The following DCAF6 variants were observed in gnomAD, a reference collection of about 807,000 sequenced individuals.
The protein encoded by DCAF6 is DDB1- and CUL4-associated factor 6.
In DCAF6, 54 loss-of-function variants were observed where a neutral mutation model predicts 125.1. The ratio of observed to expected loss-of-function variants is 0.43; its 90% CI spans 0.35 to 0.54. The LOEUF (loss-of-function observed/expected upper bound fraction) is 0.54. Among genes scored for constraint, DCAF6 ranks in the 20% least tolerant of loss-of-function variants. The pLI is 0.01. For synonymous variants in DCAF6, 371 were observed against 390.4 expected (o/e 0.95, Z 0.58); for missense variants, 934 against 1,161.7 (o/e 0.80, Z 2.85).
chr1:167,924,453 A>C, the DCAF6 span: 1 of 1,531,104 alleles, frequency 6.5e-7, no homozygotes, highest in South Asian at 1.2e-5. Flanking sequence ...ATTCCTATTA[A>C]GGAATTTGTC....
intron 7 of DCAF6, among the ~76,000 whole-genome samples, chr1:167,995,625 G>A (rs1681540312): frequency 6.6e-6 from 1 of 150,602 alleles, no homozygotes; most frequent in Non-Finnish European, 1.5e-5. Flanking sequence ...GGTTGCATGA[G>A]CCGAGATCAC....
At chr1:167,996,747 A>G (rs955399574) in intron 7 of DCAF6, among the ~76,000 whole-genome samples, 3 of 152,110 alleles carry the variant, frequency 2.0e-5, no homozygotes, top group Non-Finnish European at 2.9e-5. Context: ...CTACTTGCTT[A>G]GTAACTCAGG....
At chr1:167,933,436 G>A (rs1670970639), upstream of DCAF6, among the ~76,000 whole-genome samples, 1 of 152,016 alleles carries the variant, frequency 6.6e-6, no homozygotes, top group African/African-American at 2.4e-5. Context: ...CAAAGTGCTG[G>A]GATTACAGGT....
At chr1:167,914,073 T>C in the DCAF6 span, 3 of 152,256 alleles carry the variant, frequency 2.0e-5, no homozygotes, top group African/African-American at 7.2e-5. Context: ...GTGACATTAT[T>C]CTGAAGACAG....
intron 11 of DCAF6, chr1:168,019,645 G>A: frequency 3.1e-6 from 1 of 326,996 alleles, no homozygotes; most frequent in Non-Finnish European, 6.5e-6. Flanking sequence ...ACTGGAGCAT[G>A]GAGCCAGCCT....
the DCAF6 span, among the ~76,000 whole-genome samples, chr1:167,893,686 ACT>A: frequency 9.2e-6 from 1 of 108,760 alleles, no homozygotes; most frequent in African/African-American, 3.8e-5. Flanking sequence ...ACAGAGTGAG[ACT>A]CTGTCTCAAA....
the DCAF6 span, among the ~76,000 whole-genome samples, chr1:167,923,567 A>G: frequency 2.0e-5 from 3 of 152,268 alleles, no homozygotes; most frequent in African/African-American, 7.2e-5. Flanking sequence ...AATTATGGGT[A>G]CAGAGACTTG....
intron 4 of DCAF6, among the ~76,000 whole-genome samples, chr1:167,976,948 G>C (rs1254130031): frequency 8.2e-6 from 1 of 121,944 alleles, no homozygotes; most frequent in African/African-American, 3.2e-5. Flanking sequence ...TTGTTGCCCA[G>C]GCTGAAGTGC....
the DCAF6 span, among the ~76,000 whole-genome samples, chr1:167,901,468 T>G: frequency 3.9e-3 from 599 of 152,310 alleles, 2 homozygotes; most frequent in Admixed American, 7.3e-3. Context: ...GTAGATATTA[T>G]GATTAACCCA....
intron 2 of DCAF6, among the ~76,000 whole-genome samples, chr1:167,954,223 C>A (rs780083529): frequency 6.6e-6 from 1 of 151,954 alleles, no homozygotes; most frequent in Non-Finnish European, 1.5e-5. Context: ...CTAGGCTGGC[C>A]TCGAACTCCT....
At chr1:167,887,139 G>A in the DCAF6 span, among the ~76,000 whole-genome samples, 3 of 152,080 alleles carry the variant, frequency 2.0e-5, no homozygotes, top group African/African-American at 4.8e-5. Context: ...ACAGTGTGGC[G>A]ATTCCTCAAG....
intron 11 of DCAF6, among the ~76,000 whole-genome samples, chr1:168,022,591 C>T (rs1236661851): frequency 1.3e-5 from 2 of 152,166 alleles, no homozygotes; most frequent in Non-Finnish European, 2.9e-5. Context: ...CATTTCGTTT[C>T]ATGCTTCGAA....
At chr1:167,915,067 T>C in the DCAF6 span, among the ~76,000 whole-genome samples, 6 of 152,366 alleles carry the variant, frequency 3.9e-5, no homozygotes, top group South Asian at 1.2e-3. Context: ...CTTCATTATA[T>C]AAACAGGCTC....
At chr1:167,977,280 TC>T (rs1381376905) in intron 4 of DCAF6, among the ~76,000 whole-genome samples, 1 of 151,646 alleles carries the variant, frequency 6.6e-6, no homozygotes, top group African/African-American at 2.4e-5. Flanking sequence ...TTTCCTTCAT[TC>T]ATTCTTTCCT....
intron 1 of DCAF6, among the ~76,000 whole-genome samples, chr1:167,939,619 C>T (rs1671916849): frequency 6.6e-6 from 1 of 152,092 alleles, no homozygotes; most frequent in Admixed American, 6.5e-5. Context: ...AAAAATTAGC[C>T]GGGAGTGGTG....
In DCAF6 at chr1:168,056,959, G is replaced by A. The variant is rs144411535; in HGVS notation, c.2300+6026G>A. Among the ~76,000 whole-genome samples the A allele has an allele frequency of 5.8e-4, 88 of 152,160 alleles. 1 individual carries two copies. Among genetic ancestry groups the A allele is most frequent in the Admixed American group, 1.3e-4 (2 of 15,284 alleles). Reference sequence around the variant, plus strand: ...CTTTCTACAGATTTATTCAAAATTCGCCAGCTATAATTCTAGTCATGTTCT... The same window carrying A: ...CTTTCTACAGATTTATTCAAAATTCACCAGCTATAATTCTAGTCATGTTCT... On this transcript the variant is annotated intron_variant, in intron 17 of 21. Coordinates refer to ENST00000367840, the MANE Select transcript of DCAF6 (RefSeq NM_001198956.2).
At chr1:168,063,973 G>C (rs1220397952) in intron 18 of DCAF6, 5 of 329,070 alleles carry the variant, frequency 1.5e-5, no homozygotes, top group Non-Finnish European at 2.6e-5. Context: ...AAAAAATGCA[G>C]ATTAAAAAAA....
At chr1:167,945,096 C>T (rs1672855526) in intron 1 of DCAF6, among the ~76,000 whole-genome samples, 1 of 152,142 alleles carries the variant, frequency 6.6e-6, no homozygotes, top group East Asian at 1.9e-4. Flanking sequence ...TATTTTTATA[C>T]CAGTAACCTG....
At chr1:167,875,598 C>A in the DCAF6 span, among the ~76,000 whole-genome samples, 1 of 152,190 alleles carries the variant, frequency 6.6e-6, no homozygotes, top group Non-Finnish European at 1.5e-5. Context: ...ATGTGTCTGG[C>A]GCAGTTCCAA....
Sources: gnomAD v4.1 joint callset for allele counts (sites outside exome capture counted in the v4.1 genomes callset) on GRCh38, gnomAD v4.1.1 for gene constraint, MANE v1.5 for transcripts, NCBI Gene and HGNC (gene_info 2026-07-23, HGNC 2026-07-21) for gene names.